Variants in OPCML observed in about 807,000 individuals in gnomAD.
OPCML encodes the protein opioid binding protein/cell adhesion molecule like.
Under a neutral mutation model 37.8 loss-of-function variants are expected in OPCML, and 13 were observed. That is an observed-to-expected ratio of 0.34 (90% confidence interval 0.22 to 0.55). The LOEUF (loss-of-function observed/expected upper bound fraction) is 0.55. Ranked by LOEUF, OPCML falls within the 20% of genes least tolerant of loss-of-function variation. The pLI, the probability that OPCML is intolerant of heterozygous loss-of-function variation, is 0.91. For synonymous variants in OPCML, 176 were observed against 168.8 expected, an observed-to-expected ratio of 1.04 and a Z score of -0.33; for missense variants, 341 against 435.6, an observed-to-expected ratio of 0.78 and a Z score of 1.93.
At chr11:133,454,076 C>T (rs867235927) in intron 1 of OPCML, among the ~76,000 whole-genome samples, 7 of 152,092 alleles carry the variant, frequency 4.6e-5, no homozygotes, top group African/African-American at 9.7e-5. Context: ...TCCTGATAGT[C>T]GGCGATTCTC....
Position 132,915,806 on chromosome 11 carries a change from T to C in OPCML, c.146+27120A>G, listed in dbSNP as rs184317759. On this transcript the variant is annotated intron_variant, in intron 2 of 7. Coordinates refer to ENST00000524381, the MANE Select transcript of OPCML (RefSeq NM_001012393.5). ...ATTCATATTTTTTGTCTACTTTCTATTGAGTAATTTATCTTTTTTTGGTGG... is the reference window on the plus strand; with the variant it reads ...ATTCATATTTTTTGTCTACTTTCTACTGAGTAATTTATCTTTTTTTGGTGG... 1.8e-3 allele frequency among the ~76,000 whole-genome samples: 267 copies of C among 152,368 alleles called. 1 individual carries two copies. The highest frequency in any genetic ancestry group is 6.1e-3 in the African/African-American group (252 of 41,592).
At chr11:132,805,466 A>T (rs1441998025) in intron 2 of OPCML, among the ~76,000 whole-genome samples, 2 of 152,186 alleles carry the variant, frequency 1.3e-5, no homozygotes, top group African/African-American at 4.8e-5. Context: ...CAAACATGAA[A>T]CAGAATAAAT....
chr11:133,130,365 A>G (rs117649991), intron 1 of OPCML, among the ~76,000 whole-genome samples: 2,567 of 152,224 alleles, frequency 0.017, 34 homozygotes, highest in Non-Finnish European at 0.026. Flanking sequence ...GAAAGGAGAA[A>G]GGAACATAAA....
At chr11:133,473,855 A>G (rs1423552210) in intron 1 of OPCML, among the ~76,000 whole-genome samples, 1 of 152,212 alleles carries the variant, frequency 6.6e-6, no homozygotes, top group Non-Finnish European at 1.5e-5. Context: ...GAAGAAGGAA[A>G]TGTTGTACAC....
At chr11:132,442,425 A>G (rs1785519014) in intron 4 of OPCML, among the ~76,000 whole-genome samples, 1 of 152,084 alleles carries the variant, frequency 6.6e-6, no homozygotes, top group Admixed American at 6.5e-5. Flanking sequence ...CTTGCATCCA[A>G]TTTTCCTGTT....
intron 1 of OPCML, among the ~76,000 whole-genome samples, chr11:133,116,330 G>A (rs572632223): frequency 6.6e-6 from 1 of 152,268 alleles, no homozygotes; most frequent in East Asian, 1.9e-4. Context: ...CATTATTATA[G>A]TACTACTATC....
chr11:132,545,103 T>C (rs1047722508), intron 3 of OPCML, among the ~76,000 whole-genome samples: 1 of 152,110 alleles, frequency 6.6e-6, no homozygotes. Context: ...GTACATATGA[T>C]TGGGGGAGGG....
chr11:133,277,341 T>C (rs1942022566), intron 1 of OPCML, among the ~76,000 whole-genome samples: 1 of 152,314 alleles, frequency 6.6e-6, no homozygotes, highest in Admixed American at 6.5e-5. Context: ...ACATGAGTCA[T>C]TGAGAGTCAA....
At chr11:132,567,098 T>A (rs1354127219) in intron 3 of OPCML, among the ~76,000 whole-genome samples, 1 of 152,022 alleles carries the variant, frequency 6.6e-6, no homozygotes, top group African/African-American at 2.4e-5. Flanking sequence ...CAATCATGCA[T>A]TGGGAGCAGG....
At chr11:132,950,746 A>C (rs1945839899) in intron 1 of OPCML, among the ~76,000 whole-genome samples, 1 of 152,132 alleles carries the variant, frequency 6.6e-6, no homozygotes, top group Non-Finnish European at 1.5e-5. Flanking sequence ...CATAATTTGG[A>C]AATAGGTGCC....
At chr11:132,535,233 A>G (rs2096337389) in intron 3 of OPCML, among the ~76,000 whole-genome samples, 1 of 152,112 alleles carries the variant, frequency 6.6e-6, no homozygotes, top group African/African-American at 2.4e-5. Flanking sequence ...TTCAATAACT[A>G]ACCATCAATT....
chr11:133,471,760 T>C (rs1020397023), intron 1 of OPCML, among the ~76,000 whole-genome samples: 5 of 152,134 alleles, frequency 3.3e-5, no homozygotes, highest in African/African-American at 1.2e-4. Flanking sequence ...GGGTCTAAAA[T>C]TGAATAGGTT....
chr11:132,873,324 T>A (rs1217561159), intron 2 of OPCML, among the ~76,000 whole-genome samples: 1 of 152,224 alleles, frequency 6.6e-6, no homozygotes, highest in East Asian at 1.9e-4. Flanking sequence ...CTGTGATAAG[T>A]CTAGAACCAA....
chr11:133,339,840 C>A (rs1943823540), intron 1 of OPCML, among the ~76,000 whole-genome samples: 2 of 152,102 alleles, frequency 1.3e-5, no homozygotes, highest in Admixed American at 1.3e-4. Flanking sequence ...TAGAATCTTG[C>A]CAATACTCAG....
At chr11:132,961,201 C>T (rs1235121171) in intron 1 of OPCML, among the ~76,000 whole-genome samples, 2 of 152,150 alleles carry the variant, frequency 1.3e-5, no homozygotes, top group Non-Finnish European at 2.9e-5. Context: ...ATGTGAGCAG[C>T]ACCCTGAGCT....
chr11:133,343,271 G>C (rs1173907469), intron 1 of OPCML, among the ~76,000 whole-genome samples: 1 of 152,152 alleles, frequency 6.6e-6, no homozygotes, highest in Non-Finnish European at 1.5e-5. Flanking sequence ...GTGACTCGGG[G>C]GTTCTTTGTG....
At chr11:132,499,916 G>A (rs971336665) in intron 4 of OPCML, among the ~76,000 whole-genome samples, 1 of 152,156 alleles carries the variant, frequency 6.6e-6, no homozygotes, top group African/African-American at 2.4e-5. Flanking sequence ...TGGCTCTTAG[G>A]CATATAGTAC....
At position 133,351,783 on chromosome 11, in the gene OPCML, G is replaced by A. The variant is rs180964403; in HGVS notation, c.61+180481C>T. Among the ~76,000 whole-genome samples, 296 of 151,488 alleles carry A rather than the reference G, an allele frequency of 2.0e-3. 1 individual carries two copies. The highest frequency in any genetic ancestry group is 6.8e-3 in the Middle Eastern group (2 of 294). On this transcript the variant is annotated intron_variant, in intron 1 of 7. Transcript: ENST00000524381. Reference sequence around the variant, plus strand: ...TCATACTTCACACACACACACACACGTACACATGAATGGAATTTCATGCCA... The same window carrying A: ...TCATACTTCACACACACACACACACATACACATGAATGGAATTTCATGCCA...
intron 1 of OPCML, among the ~76,000 whole-genome samples, chr11:133,513,469 C>T (rs920188511): frequency 1.3e-5 from 2 of 152,192 alleles, no homozygotes; most frequent in East Asian, 1.9e-4. Context: ...GTGGTTAATG[C>T]AATTCTCATC....
Sources: allele counts gnomAD v4.1 joint callset (sites outside exome capture counted in the v4.1 genomes callset), GRCh38; gene constraint gnomAD v4.1.1; transcripts MANE v1.5; gene names NCBI Gene and HGNC (gene_info 2026-07-23, HGNC 2026-07-21).